The following CXCR2 variants were observed in gnomAD, a reference collection of about 807,000 sequenced individuals.
The protein encoded by CXCR2 is C-X-C chemokine receptor type 2.
In CXCR2, 2 loss-of-function variants were observed where a neutral mutation model predicts 3.7. That is an observed-to-expected ratio of 0.55 (90% confidence interval 0.22 to 1.72). CXCR2 has a LOEUF of 1.72. Among genes scored for constraint, CXCR2 ranks in the 40% most tolerant of loss-of-function variants. The pLI is 0.19. For missense variants in CXCR2, 351 were observed against 450.1 expected, an observed-to-expected ratio of 0.78 and a Z score of 1.99; for synonymous variants, 203 against 193.3, an observed-to-expected ratio of 1.05 and a Z score of -0.41.
intron 2 of CXCR2, among the ~76,000 whole-genome samples, chr2:218,134,083 C>G (rs189982001): frequency 6.6e-6 from 1 of 152,352 alleles, no homozygotes; most frequent in East Asian, 1.9e-4. Flanking sequence ...TTCCAAAACT[C>G]CATGCCACAA....
chr2:218,125,557 G>C (rs1216270700), upstream of CXCR2: 1 of 142,236 alleles, frequency 7.0e-6, no homozygotes, highest in Non-Finnish European at 1.5e-5. Context: ...TGTTGTCTTG[G>C]GGGGAAAGAA....
chr2:218,136,053 G>T lies in CXCR2; in HGVS notation c.*169G>T. 1 of 895,414 alleles carries T rather than the reference G, an allele frequency of 1.1e-6. No individual in the cohort carries two copies. The highest frequency in any genetic ancestry group is 1.7e-6 in the Non-Finnish European group (1 of 585,906). The allele number at this position is 895,414 out of a possible 1,614,324, so 55.5% of individuals were successfully genotyped here. A position where few individuals can be genotyped will look rare whatever the true frequency, so the allele number is the denominator to read the frequency against. ...TTACTAGTTTCCCTTGCATGGTTTA[G>T]AAAGCTTGCCCTGGTGCCTCACCCC... On this transcript the variant is annotated 3_prime_UTR_variant, in exon 3 of 3. Transcript: ENST00000318507.
In CXCR2 at chr2:218,134,680, C is replaced by T. The variant is rs1690735751; in HGVS notation, c.-25-97C>T. 8 of 1,168,384 alleles carry T rather than the reference C, an allele frequency of 6.8e-6. No individual in the cohort carries two copies. The Admixed American group carries it at 7.7e-5, about 11-fold the overall frequency. 72.4% of individuals were successfully genotyped at this position (1,168,384 alleles called of 1,614,324 possible). On this transcript the variant is annotated intron_variant, in intron 2 of 2. Coordinates refer to ENST00000318507, the MANE Select transcript of CXCR2 (RefSeq NM_001557.4). ...AGGGAAAAATTACTACATTGTAATA[C>T]TCAAGCCAACACAAAGAATCCTATC... is the stretch of plus-strand genomic sequence containing the variant.
Position 218,135,679 on chromosome 2 carries a change from A to T in CXCR2, c.878A>T (p.Asp293Val). The change falls in exon 3 of 3, where the codon GAC becomes GTC. Residue 293 changes from aspartate to valine, a missense_variant. Physicochemically the swap from Asp to Val is radical, Grantham distance 152. Coordinates refer to ENST00000318507, the MANE Select transcript of CXCR2 (RefSeq NM_001557.4). The surrounding 1 kb of genome is among the most constrained non-coding windows in gnomAD (Gnocchi z 4.0). Reference protein sequence around the residue: ...QETCERRNHIDRALDATEILG... With the variant: ...QETCERRNHIVRALDATEILG... ...ACCTGTGAGCGCCGCAATCACATCG[A>T]CCGGGCTCTGGATGCCACCGAGATT... is the stretch of plus-strand genomic sequence containing the variant. 6.2e-7 allele frequency: 1 copy of T among 1,606,722 alleles called. No individual in the cohort carries two copies. The highest frequency in any genetic ancestry group is 8.5e-7 in the Non-Finnish European group (1 of 1,176,970).
chr2:218,132,116 T>A (rs1261039880), intron 2 of CXCR2, among the ~76,000 whole-genome samples: 4 of 152,164 alleles, frequency 2.6e-5, no homozygotes, highest in Non-Finnish European at 2.9e-5. Flanking sequence ...ATCTTTTTTT[T>A]AATTAAGACA....
At position 218,126,936 on chromosome 2, in the gene CXCR2, A is replaced by G. The variant is rs548762304; in HGVS notation, c.-78+583A>G. ...AGCGATCCGCCCACCTCGGCCTCCC[A>G]AAGTGCTGGGATTACAGGCATGGGC... On this transcript the variant is annotated intron_variant, in intron 1 of 2. Coordinates refer to ENST00000318507, the MANE Select transcript of CXCR2 (RefSeq NM_001557.4). Among the ~76,000 whole-genome samples, 4 of 152,296 alleles carry G rather than the reference A, an allele frequency of 2.6e-5. No individual in the cohort carries two copies. The South Asian group carries it at 8.3e-4, about 32-fold the overall frequency.
Position 218,135,977 on chromosome 2 carries a change from G to A in CXCR2, c.*93G>A, listed in dbSNP as rs956816663. 4 of 1,470,124 alleles carry A rather than the reference G, an allele frequency of 2.7e-6. No individual in the cohort carries two copies. Among genetic ancestry groups the A allele is most frequent in the African/African-American group, 2.8e-5 (2 of 70,642 alleles). The allele number at this position is 1,470,124 out of a possible 1,614,324, so 91.1% of individuals were successfully genotyped here. A position where few individuals can be genotyped will look rare whatever the true frequency, so the allele number is the denominator to read the frequency against. ...TGTCCACTGGTTCTTCTTGGTCTCA[G>A]TGTCAATGCAGCCCCCATTGTGGTC... On this transcript the variant is annotated 3_prime_UTR_variant, in exon 3 of 3. Transcript: ENST00000318507. This position sits in a 1 kb window ranked among gnomAD's most constrained non-coding sequence, Gnocchi z 4.0.
At position 218,136,205 on chromosome 2, in the gene CXCR2, C is replaced by G. The variant is rs533850420; in HGVS notation, c.*321C>G. The G allele has an allele frequency of 4.4e-5, 11 of 249,978 alleles. No homozygotes were observed. Among genetic ancestry groups the G allele is most frequent in the African/African-American group, 2.5e-4 (11 of 44,036 alleles). 15.5% of individuals were successfully genotyped at this position (249,978 alleles called of 1,614,324 possible). On this transcript the variant is annotated 3_prime_UTR_variant, in exon 3 of 3. Coordinates refer to ENST00000318507, the MANE Select transcript of CXCR2 (RefSeq NM_001557.4). ...CAGCTCTGCATACTCATTAGGATGG[C>G]TAGTATCAAAAGAAAGAAAATCAGG... is the stretch of plus-strand genomic sequence containing the variant.
upstream of CXCR2, chr2:218,125,670 G>A (rs1401787021): frequency 6.6e-6 from 1 of 152,600 alleles, no homozygotes; most frequent in Non-Finnish European, 1.5e-5. Flanking sequence ...GCAGTAGGAA[G>A]GAAGCCAGTT....
rs1191543239 is a variant in CXCR2, at chr2:218,136,024, G to A, written c.*140G>A. On this transcript the variant is annotated 3_prime_UTR_variant, in exon 3 of 3. Transcript: ENST00000318507. The stretch of plus-strand genomic sequence containing the variant: ...GGTCACAGGAAGTAGAGGAGGCCAC[G>A]TTCTTACTAGTTTCCCTTGCATGGT... 1.4e-5 allele frequency: 15 copies of A among 1,085,162 alleles called. No individual in the cohort carries two copies. In the Admixed American group the frequency reaches 2.4e-4, roughly 17 times the overall value. The allele number at this position is 1,085,162 out of a possible 1,614,324, so 67.2% of individuals were successfully genotyped here. A position where few individuals can be genotyped will look rare whatever the true frequency, so the allele number is the denominator to read the frequency against.
intron 1 of CXCR2, among the ~76,000 whole-genome samples, chr2:218,127,896 A>C (rs1368498597): frequency 2.0e-5 from 3 of 152,198 alleles, no homozygotes; most frequent in Non-Finnish European, 4.4e-5. Context: ...AGTAAATTAG[A>C]TGTCATCAAA....
Position 218,134,892 on chromosome 2 carries a change from C to T in CXCR2, c.91C>T (p.Pro31Ser). 6.2e-7 allele frequency: 1 copy of T among 1,614,200 alleles called. No individual in the cohort carries two copies. The part of the protein sequence containing the change: ...SNYSYSSTLP[P>S]FLLDAAPCEP... ...TTACAGTTACAGCTCTACCCTGCCCCCTTTTCTACTAGATGCCGCCCCATG... is the reference window on the plus strand; with the variant it reads ...TTACAGTTACAGCTCTACCCTGCCCTCTTTTCTACTAGATGCCGCCCCATG... The change falls in exon 3 of 3, where the codon CCT (proline) becomes TCT (serine). Residue 31 changes from proline (P) to serine (S), a missense_variant. Pro to Ser is a moderately conservative substitution (Grantham distance 74). Transcript: ENST00000318507.
chr2:218,132,453 T>A (rs1690670307), intron 2 of CXCR2, among the ~76,000 whole-genome samples: 1 of 152,260 alleles, frequency 6.6e-6, no homozygotes, highest in Non-Finnish European at 1.5e-5. Flanking sequence ...CATGGCTGAA[T>A]AATATTCTGT....
intron 2 of CXCR2, among the ~76,000 whole-genome samples, chr2:218,131,207 G>A (rs1041027702): frequency 6.6e-6 from 1 of 152,168 alleles, no homozygotes; most frequent in Non-Finnish European, 1.5e-5. Context: ...GTTCCCTTAA[G>A]AGCATCTGTA....
intron 2 of CXCR2, among the ~76,000 whole-genome samples, chr2:218,131,776 T>C (rs536212846): frequency 6.6e-6 from 1 of 151,650 alleles, no homozygotes; most frequent in East Asian, 1.9e-4. Context: ...ACTTTTATTG[T>C]TGTGATCTAG....
chr2:218,135,724 G>T lies in CXCR2; in HGVS notation c.923G>T (p.Cys308Phe). Residue 308 changes from cysteine to phenylalanine, a missense_variant, in exon 3 of 3, where the codon TGC becomes TTC. Coordinates refer to ENST00000318507, the MANE Select transcript of CXCR2 (RefSeq NM_001557.4). The surrounding 1 kb of genome is among the most constrained non-coding windows in gnomAD (Gnocchi z 4.0). ...ATEILGILHS[C>F]LNPLIYAFIG... ...GAGATTCTGGGCATCCTTCACAGCT[G>T]CCTCAACCCCCTCATCTACGCCTTC... 4 of 1,613,932 alleles carry T rather than the reference G, an allele frequency of 2.5e-6. No individual in the cohort carries two copies. The highest frequency in any genetic ancestry group is 3.4e-6 in the Non-Finnish European group (4 of 1,179,982).
chr2:218,133,351 G>A (rs1489621993), intron 2 of CXCR2, among the ~76,000 whole-genome samples: 3 of 141,340 alleles, frequency 2.1e-5, no homozygotes, highest in Non-Finnish European at 3.0e-5. Context: ...CCAGGCTGGA[G>A]TGCAGTGATG....
At chr2:218,126,608 A>AAT (rs1419522211) in intron 1 of CXCR2, among the ~76,000 whole-genome samples, 1 of 152,230 alleles carries the variant, frequency 6.6e-6, no homozygotes, top group African/African-American at 2.4e-5. Context: ...AAATGTGACT[A>AAT]GTGTGACTGC....
intron 1 of CXCR2, among the ~76,000 whole-genome samples, chr2:218,127,858 C>A (rs1238338209): frequency 6.6e-6 from 1 of 152,162 alleles, no homozygotes; most frequent in African/African-American, 2.4e-5. Flanking sequence ...AACATTACAG[C>A]TAATATGACA....
Sources: gnomAD v4.1 joint callset for allele counts (sites outside exome capture counted in the v4.1 genomes callset) on GRCh38, gnomAD v4.1.1 for gene constraint, Gnocchi (gnomAD v3.1) non-coding constraint, MANE v1.5 for transcripts, NCBI Gene and HGNC (gene_info 2026-07-23, HGNC 2026-07-21) for gene names.